Variants in CELF4 observed in about 807,000 individuals in gnomAD.
CELF4 encodes CUGBP Elav-like family member 4, also known as CUG-BP- and ETR-3-like factor 4.
Under a neutral mutation model 59.9 loss-of-function variants are expected in CELF4, and 18 were observed. The ratio of observed to expected loss-of-function variants is 0.30; its 90% CI spans 0.21 to 0.45. The LOEUF (loss-of-function observed/expected upper bound fraction) is 0.45, where lower values mean the gene tolerates loss of function less well. Ranked by LOEUF, CELF4 falls within the 20% of genes least tolerant of loss-of-function variation. The probability of loss-of-function intolerance (pLI) is 1.00; values close to 1 mark genes in which losing one functional copy is unlikely to be tolerated. For missense variants in CELF4, 456 were observed against 689.0 expected (o/e 0.66, Z 3.79); for synonymous variants, 261 against 267.1 (o/e 0.98, Z 0.22).
intron 2 of CELF4, among the ~76,000 whole-genome samples, chr18:37,382,557 C>T (rs1191950601): frequency 6.6e-6 from 1 of 152,156 alleles, no homozygotes; most frequent in African/African-American, 2.4e-5. Context: ...CCCCTTTCAC[C>T]AGGCAAAGGT....
chr18:37,289,387 T>A (rs1569534904), intron 3 of CELF4, among the ~76,000 whole-genome samples: 1 of 152,130 alleles, frequency 6.6e-6, no homozygotes, highest in Non-Finnish European at 1.5e-5. Flanking sequence ...TGCTCCAGAA[T>A]TGTATTTTGA....
chr18:37,528,247 C>T (rs565737228), intron 1 of CELF4, among the ~76,000 whole-genome samples: 12 of 152,314 alleles, frequency 7.9e-5, no homozygotes, highest in Admixed American at 5.2e-4. Context: ...TAAATTGGTG[C>T]AGTCTCTCTG....
intron 2 of CELF4, among the ~76,000 whole-genome samples, chr18:37,479,193 G>A (rs2099859216): frequency 6.6e-6 from 1 of 152,198 alleles, no homozygotes; most frequent in African/African-American, 2.4e-5. Flanking sequence ...CACCTACCCG[G>A]TGCTCACACC....
At chr18:37,440,800 A>G (rs1000685820) in intron 2 of CELF4, among the ~76,000 whole-genome samples, 5 of 152,048 alleles carry the variant, frequency 3.3e-5, no homozygotes, top group Middle Eastern at 6.8e-3. Context: ...CTAACTACCC[A>G]TCTGTCTAAC....
At chr18:37,419,311 T>A (rs938512026) in intron 2 of CELF4, among the ~76,000 whole-genome samples, 5 of 152,194 alleles carry the variant, frequency 3.3e-5, no homozygotes, top group Admixed American at 2.6e-4. Flanking sequence ...GGGTCACAAC[T>A]CAAGAAAGAT....
intron 2 of CELF4, among the ~76,000 whole-genome samples, chr18:37,470,880 GTGTGT>G (rs2099819880): frequency 9.7e-6 from 1 of 102,930 alleles, no homozygotes; most frequent in African/African-American, 3.5e-5. Flanking sequence ...GTGTGTGTGT[GTGTGT>G]GTGACAGAGA....
intron 2 of CELF4, among the ~76,000 whole-genome samples, chr18:37,350,171 A>G (rs1336625348): frequency 6.6e-6 from 1 of 152,120 alleles, no homozygotes; most frequent in Non-Finnish European, 1.5e-5. Context: ...CAGGCACACG[A>G]TGGGAACAGA....
intron 6 of CELF4, 198 bp from the exon 7 acceptor site, chr18:37,273,361 G>T: frequency 7.3e-7 from 1 of 1,361,910 alleles, no homozygotes; most frequent in East Asian, 2.7e-5. Flanking sequence ...CCTGAGAGAT[G>T]ACTGTATTTA....
chr18:37,410,659 G>T (rs2099437964), intron 2 of CELF4, among the ~76,000 whole-genome samples: 3 of 152,296 alleles, frequency 2.0e-5, no homozygotes, highest in Middle Eastern at 3.4e-3. Context: ...GCATGTGAAG[G>T]TGAGAGTGTG....
intron 1 of CELF4, among the ~76,000 whole-genome samples, chr18:37,555,693 C>G (rs1047901807): frequency 6.6e-6 from 1 of 152,190 alleles, no homozygotes; most frequent in Non-Finnish European, 1.5e-5. Flanking sequence ...TTTGTCCACA[C>G]AACTGAATCA....
At chr18:37,380,437 T>G (rs760833291) in intron 2 of CELF4, among the ~76,000 whole-genome samples, 86 of 152,212 alleles carry the variant, frequency 5.7e-4, no homozygotes, top group Non-Finnish European at 9.8e-4. Context: ...TACTCTGGCC[T>G]CTGGTACTCC....
chr18:37,292,932 T>C (rs943502848), intron 3 of CELF4, among the ~76,000 whole-genome samples: 2 of 152,242 alleles, frequency 1.3e-5, no homozygotes, highest in African/African-American at 4.8e-5. Context: ...CTTATTATGA[T>C]GGATGTGCTG....
At chr18:37,352,883 C>A (rs1004647071) in intron 2 of CELF4, among the ~76,000 whole-genome samples, 6 of 152,068 alleles carry the variant, frequency 3.9e-5, no homozygotes, top group African/African-American at 9.7e-5. Flanking sequence ...GGTGGAACAG[C>A]GCCTTGCCAT....
intron 2 of CELF4, among the ~76,000 whole-genome samples, chr18:37,351,457 G>C (rs1370135792): frequency 1.3e-5 from 2 of 152,074 alleles, no homozygotes; most frequent in Non-Finnish European, 2.9e-5. Context: ...CTACTGCCCA[G>C]GTTTCCCACT....
rs142464440 is a variant in CELF4 at position 37,359,115 on chromosome 18, CA to C, written c.370-37235del. 3.5e-3 allele frequency among the ~76,000 whole-genome samples: 525 copies of C among 152,150 alleles called. 14 individuals carry two copies. In the East Asian group the frequency reaches 0.036, roughly 10 times the overall value. On this transcript the variant is annotated intron_variant, in intron 2 of 12. Coordinates refer to ENST00000420428, the MANE Select transcript of CELF4 (RefSeq NM_020180.4). ...TGTCTCCAAAAAAAACAAAACAAAA[CA>C]AAACAAAACACAAACCTGTCAAGTA...
intron 2 of CELF4, among the ~76,000 whole-genome samples, chr18:37,415,933 C>G (rs1301498595): frequency 2.0e-5 from 3 of 152,204 alleles, no homozygotes; most frequent in African/African-American, 7.2e-5. Context: ...GAGAACGAGG[C>G]TCTGTCACTT....
At chr18:37,329,606 C>T (rs12455731) in intron 2 of CELF4, among the ~76,000 whole-genome samples, 30,318 of 152,222 alleles carry the variant, frequency 0.2, 3,225 homozygotes, top group Non-Finnish European at 0.22. Context: ...AACCCTGATC[C>T]CCTTAACCTG....
intron 2 of CELF4, among the ~76,000 whole-genome samples, chr18:37,356,376 AAG>A (rs1444963404): frequency 1.3e-5 from 2 of 152,220 alleles, no homozygotes; most frequent in Admixed American, 6.5e-5. Flanking sequence ...GCAGAAAAGA[AAG>A]AGAGAACGGT....
chr18:37,319,121 C>T (rs2096984602), intron 3 of CELF4, among the ~76,000 whole-genome samples: 1 of 152,236 alleles, frequency 6.6e-6, no homozygotes, highest in Non-Finnish European at 1.5e-5. Context: ...GTCACTGCCT[C>T]CTGGCCGGGC....
Sources: gnomAD v4.1 joint callset for allele counts (sites outside exome capture counted in the v4.1 genomes callset) on GRCh38, gnomAD v4.1.1 for gene constraint, MANE v1.5 for transcripts, NCBI Gene and HGNC (gene_info 2026-07-23, HGNC 2026-07-21) for gene names.